The following UBAP2 variants were observed in gnomAD, a reference collection of about 807,000 sequenced individuals.
UBAP2 encodes ubiquitin associated protein 2, also known as ubiquitin-associated protein 2.
A neutral mutation model predicts 139.6 loss-of-function variants in UBAP2; 75 were observed. The ratio of observed to expected loss-of-function variants is 0.54; its 90% CI spans 0.45 to 0.65. The LOEUF is 0.65. Among genes scored for constraint, UBAP2 ranks in the 30% least tolerant of loss-of-function variants. The pLI is 0.00. For synonymous variants in UBAP2, 526 were observed against 526.2 expected (o/e 1.00, Z 0.01); for missense variants, 1,368 against 1,369.6 (o/e 1.00, Z 0.02).
rs1395943079 is a variant in UBAP2 at position 33,948,467 on chromosome 9, T to C, written c.1177A>G (p.Ser393Gly). The C allele has an allele frequency of 6.2e-7, 1 of 1,614,042 alleles. No homozygotes were observed. Among genetic ancestry groups the C allele is most frequent in the East Asian group, 2.2e-5 (1 of 44,892 alleles). The change falls in exon 13 of 29, where the codon AGT becomes GGT. Residue 393 changes from serine to glycine, a missense_variant. Transcript: ENST00000379238. ...TGACTTGTACTATTCTGCTGTGTAC[T>C]TGGGGTGGTGGTAAACTGGCCCAAA... is the stretch of plus-strand genomic sequence containing the variant. ...PSLGQFTTTPSTQQNSTSHPT... is the reference protein window; with the variant it reads ...PSLGQFTTTPGTQQNSTSHPT...
At chr9:34,019,924 G>A (rs1233350253) in intron 1 of UBAP2, among the ~76,000 whole-genome samples, 1 of 151,886 alleles carries the variant, frequency 6.6e-6, no homozygotes, top group African/African-American at 2.4e-5. Context: ...CACTTTGGGA[G>A]GCTGAGGCAG....
In UBAP2 at chr9:33,990,637, A is replaced by ATTTTTTTTT. The variant is rs35851905; in HGVS notation, c.289-1520_289-1512dup. On this transcript the variant is annotated intron_variant, in intron 4 of 28. Coordinates refer to ENST00000379238, the MANE Select transcript of UBAP2 (RefSeq NM_001370062.2). ...GGTTACTTAGAAATAGTACCCCCCA[A>ATTTTTTTTT]TTTTTTTTTTTTTTTTGAGACAGAG... Among the ~76,000 whole-genome samples the ATTTTTTTTT allele has an allele frequency of 6.0e-5, 8 of 132,626 alleles. 1 individual carries two copies. Among genetic ancestry groups the ATTTTTTTTT allele is most frequent in the Middle Eastern group, 3.8e-3 (1 of 262 alleles). 87.0% of individuals were successfully genotyped at this position (132,626 alleles called of 152,430 possible). A position where few individuals can be genotyped will look rare whatever the true frequency, so the allele number is the denominator to read the frequency against.
intron 12 of UBAP2, chr9:33,948,957 C>A (rs1232396545): frequency 5.6e-6 from 1 of 179,190 alleles, no homozygotes; most frequent in Admixed American, 5.7e-5. Flanking sequence ...ACGAGGTCAG[C>A]AGATTGAGAC....
At chr9:33,998,132 G>A (rs1822350663) in intron 3 of UBAP2, 2 of 152,124 alleles carry the variant, frequency 1.3e-5, no homozygotes, top group South Asian at 4.1e-4. Flanking sequence ...GGCAATTCAG[G>A]CCAGTAATCC....
At position 33,923,795 on chromosome 9, in the gene UBAP2, A is replaced by G; in HGVS notation, c.2796T>C (p.Phe932=). 1 of 1,614,060 alleles carries G rather than the reference A, an allele frequency of 6.2e-7. No individual in the cohort carries two copies. Among genetic ancestry groups the G allele is most frequent in the Non-Finnish European group, 8.5e-7 (1 of 1,179,936 alleles). ...CAGTCACACCCTCTGAAATACTCAC[A>G]AACATGGTGGGGCCATACTGGAAGG... The part of the protein sequence containing the change: ...PSAFQYGPTM[F]VPPASAKQHG... Residue 932 remains phenylalanine, a splice_region_variant and synonymous_variant, in exon 24 of 29, where the codon TTT becomes TTC. Coordinates refer to ENST00000379238, the MANE Select transcript of UBAP2 (RefSeq NM_001370062.2).
At position 34,017,099 on chromosome 9, in the gene UBAP2, G is replaced by C; in HGVS notation, c.50C>G (p.Pro17Arg). The change falls in exon 2 of 29, where the codon CCA becomes CGA. Residue 17 changes from proline to arginine, a missense_variant. Coordinates refer to ENST00000379238, the MANE Select transcript of UBAP2 (RefSeq NM_001370062.2). ...CGTTGATTGTGCTGCTGAAATCTGT[G>C]GTTTTTCCCGAGCACCTCGACAATG... is the stretch of plus-strand genomic sequence containing the variant. ...SDHCRGAREK[P>R]QISAAQSTQP... 6.2e-7 allele frequency: 1 copy of C among 1,612,292 alleles called. No homozygotes were observed. The highest frequency in any genetic ancestry group is 8.5e-7 in the Non-Finnish European group (1 of 1,179,564).
chr9:33,933,673 T>C (rs1268016498), intron 17 of UBAP2, 45 bp from the exon 18 acceptor site: 3 of 1,602,522 alleles, frequency 1.9e-6, no homozygotes, highest in Non-Finnish European at 2.6e-6. Context: ...TGTTTATTTC[T>C]AAAACCAATC....
chr9:33,988,981 C>T lies in UBAP2; in HGVS notation c.434G>A (p.Gly145Asp). 1 of 1,611,862 alleles carries T rather than the reference C, an allele frequency of 6.2e-7. No individual in the cohort carries two copies. Among genetic ancestry groups the T allele is most frequent in the Non-Finnish European group, 8.5e-7 (1 of 1,179,330 alleles). ...NNRKGRGGNR[G>D]REFRGEENGI... ...AGAAAGTCTGTACTTACATTCTCTGCCACGATTGCCGCCTCTTCCTTTCCG... is the reference window on the plus strand; with the variant it reads ...AGAAAGTCTGTACTTACATTCTCTGTCACGATTGCCGCCTCTTCCTTTCCG... The change falls in exon 5 of 29, where the codon GGC (glycine) becomes GAC (aspartate). Residue 145 changes from glycine to aspartate, a missense_variant. Transcript: ENST00000379238.
At position 33,962,680 on chromosome 9, in the gene UBAP2, A is replaced by ATAATTAATTAAT. The variant is rs59415900; in HGVS notation, c.745+1045_745+1046insATTAATTAATTA. Among the ~76,000 whole-genome samples the ATAATTAATTAAT allele has an allele frequency of 8.8e-3, 1,288 of 145,614 alleles. 25 individuals are homozygous for ATAATTAATTAAT. Among genetic ancestry groups the ATAATTAATTAAT allele is most frequent in the East Asian group, 0.037 (178 of 4,832 alleles). On this transcript the variant is annotated intron_variant, in intron 9 of 28. Coordinates refer to ENST00000379238, the MANE Select transcript of UBAP2 (RefSeq NM_001370062.2). ...AATAAATAAATAAATAAATAAATAA[A>ATAATTAATTAAT]TAATTAAAAAATAGGGCCTGGAGCA... is the stretch of plus-strand genomic sequence containing the variant.
chr9:34,027,859 C>A (rs1187381724), intron 1 of UBAP2, among the ~76,000 whole-genome samples: 2 of 32,114 alleles, frequency 6.2e-5, no homozygotes, highest in African/African-American at 2.9e-4. Context: ...GAGACTCCAT[C>A]TCAAAAAAAA....
chr9:33,999,131 C>G (rs7044541), intron 2 of UBAP2, among the ~76,000 whole-genome samples: 1 of 151,984 alleles, frequency 6.6e-6, no homozygotes, highest in Non-Finnish European at 1.5e-5. Context: ...TTACTTGAAT[C>G]TTCTTTCCCT....
intron 1 of UBAP2, among the ~76,000 whole-genome samples, chr9:34,046,682 A>G (rs539750537): frequency 1.7e-4 from 25 of 150,270 alleles, no homozygotes; most frequent in African/African-American, 5.6e-4. Context: ...AGAAGGCTTC[A>G]CTTCAGACCA....
chr9:33,970,668 G>A (rs900457057), intron 8 of UBAP2, among the ~76,000 whole-genome samples: 2 of 152,142 alleles, frequency 1.3e-5, no homozygotes, highest in Non-Finnish European at 1.5e-5. Flanking sequence ...TCTGGCTCAA[G>A]TGATCCTCCC....
chr9:34,020,737 G>A (rs763755389), intron 1 of UBAP2, among the ~76,000 whole-genome samples: 15 of 151,128 alleles, frequency 9.9e-5, no homozygotes, highest in African/African-American at 3.4e-4. Context: ...TCTGCTCACC[G>A]CAAGCTCTGC....
rs1173625005 is a variant in UBAP2 at position 33,969,921 on chromosome 9, C to CTTTTTTTTTTT, written c.679+1719_679+1729dup. On this transcript the variant is annotated intron_variant, in intron 8 of 28. Coordinates refer to ENST00000379238, the MANE Select transcript of UBAP2 (RefSeq NM_001370062.2). ...GCAAACTTAAATACCGTGTATAATT[C>CTTTTTTTTTTT]TTTTTTTTTTTTTTTTTTTTTTTTT... Among the ~76,000 whole-genome samples the CTTTTTTTTTTT allele has an allele frequency of 3.1e-3, 142 of 46,182 alleles. 13 individuals are homozygous for CTTTTTTTTTTT. Among genetic ancestry groups the CTTTTTTTTTTT allele is most frequent in the African/African-American group, 0.01 (114 of 11,274 alleles). 30.3% of individuals were successfully genotyped at this position (46,182 alleles called of 152,430 possible).
chr9:33,969,604 C>T (rs1010492645), intron 8 of UBAP2, among the ~76,000 whole-genome samples: 7 of 150,954 alleles, frequency 4.6e-5, no homozygotes, highest in Non-Finnish European at 8.9e-5. Flanking sequence ...CGGTGGCTTA[C>T]GCCTATAATC....
intron 3 of UBAP2, chr9:33,997,880 C>T (rs148199474): frequency 1.3e-5 from 2 of 152,202 alleles, no homozygotes; most frequent in East Asian, 3.9e-4. Flanking sequence ...CATTGTGAGA[C>T]CTTTACTCCA....
At chr9:34,034,365 A>G (rs552477588) in intron 1 of UBAP2, among the ~76,000 whole-genome samples, 1 of 152,182 alleles carries the variant, frequency 6.6e-6, no homozygotes, top group Admixed American at 6.5e-5. Context: ...TTTTACTGAC[A>G]TCCTTATTAC....
intron 1 of UBAP2, among the ~76,000 whole-genome samples, chr9:34,025,449 A>C (rs1323155657): frequency 6.6e-6 from 1 of 152,222 alleles, no homozygotes; most frequent in African/African-American, 2.4e-5. Flanking sequence ...ACTTCAATCT[A>C]TCCAACCAAA....
Sources: allele counts gnomAD v4.1 joint callset (sites outside exome capture counted in the v4.1 genomes callset), GRCh38; gene constraint gnomAD v4.1.1; transcripts MANE v1.5; gene names NCBI Gene and HGNC (gene_info 2026-07-23, HGNC 2026-07-21).